CEPT1: variants seen among roughly 807,000 people sequenced by gnomAD.
CEPT1 encodes choline/ethanolamine phosphotransferase 1.
Under a neutral mutation model 42.6 loss-of-function variants are expected in CEPT1, and 7 were observed. That is an observed-to-expected ratio of 0.16 (90% CI 0.09 to 0.31). CEPT1 has a LOEUF of 0.31. Among genes scored for constraint, CEPT1 ranks in the 10% least tolerant of loss-of-function variants. The probability of loss-of-function intolerance (pLI) is 1.00; values close to 1 mark genes in which losing one functional copy is unlikely to be tolerated. For missense variants in CEPT1, 306 were observed against 502.1 expected (o/e 0.61, Z 3.73); for synonymous variants, 171 against 171.9 (o/e 0.99, Z 0.04).
chr1:111,159,582 C>T (rs1035994213), intron 3 of CEPT1, 55 bp downstream of exon 3: 17 of 1,406,714 alleles, frequency 1.2e-5, no homozygotes, highest in Middle Eastern at 2.1e-4. Flanking sequence ...AACCAGTGTG[C>T]TAAGCAGTGT....
chr1:111,163,076 TAGGGTAAA>T (rs1433745877), intron 4 of CEPT1, among the ~76,000 whole-genome samples: 1 of 151,864 alleles, frequency 6.6e-6, no homozygotes, highest in Non-Finnish European at 1.5e-5. Context: ...AAAGGAGTTC[TAGGGTAAA>T]AGGCAGAGGC....
At chr1:111,163,605 C>CA (rs201584154) in intron 4 of CEPT1, among the ~76,000 whole-genome samples, 456 of 132,768 alleles carry the variant, frequency 3.4e-3, no homozygotes, top group Middle Eastern at 0.023. Flanking sequence ...GAACATGTCT[C>CA]AAAAAAAAAA....
At chr1:111,168,135 A>G (rs1482391416) in intron 4 of CEPT1, among the ~76,000 whole-genome samples, 2 of 152,050 alleles carry the variant, frequency 1.3e-5, no homozygotes, top group African/African-American at 4.8e-5. Context: ...CAGCCTTCCA[A>G]AGCACTGGAA....
chr1:111,160,170 CTGTT>C (rs1485118664), intron 3 of CEPT1: 1 of 152,116 alleles, frequency 6.6e-6, no homozygotes, highest in Non-Finnish European at 1.5e-5. Context: ...CTGAGTTACT[CTGTT>C]TGGATTATAA....
chr1:111,171,060 A>G (rs1656390165), intron 4 of CEPT1, among the ~76,000 whole-genome samples: 1 of 152,194 alleles, frequency 6.6e-6, no homozygotes, highest in South Asian at 2.1e-4. Flanking sequence ...AAAGACATTA[A>G]AAATTTGTGG....
chr1:111,175,351 G>GT (rs1483438460), intron 5 of CEPT1, among the ~76,000 whole-genome samples: 2 of 152,204 alleles, frequency 1.3e-5, no homozygotes, highest in African/African-American at 2.4e-5. Context: ...ATTTGAGATT[G>GT]TAAGTTAACT....
chr1:111,156,572 A>G (rs866262021), intron 2 of CEPT1, among the ~76,000 whole-genome samples: 4 of 151,514 alleles, frequency 2.6e-5, no homozygotes, highest in African/African-American at 7.3e-5. Flanking sequence ...ATGAGCGGGG[A>G]AAAAAAAATC....
At chr1:111,182,146 T>C in intron 5 of CEPT1, 41 bp from the exon 6 acceptor site, 1 of 1,464,186 alleles carries the variant, frequency 6.8e-7, no homozygotes, top group South Asian at 1.3e-5. Flanking sequence ...TTATTTTAGT[T>C]TGTATATGTT....
At chr1:111,141,091 T>A (rs1259321398) in intron 1 of CEPT1, among the ~76,000 whole-genome samples, 2 of 152,240 alleles carry the variant, frequency 1.3e-5, no homozygotes, top group Non-Finnish European at 1.5e-5. Context: ...ATCCATAGTA[T>A]GACAGTAGGC....
chr1:111,151,142 T>TTC (rs1655251270), intron 2 of CEPT1, among the ~76,000 whole-genome samples: 1 of 151,388 alleles, frequency 6.6e-6, no homozygotes, highest in African/African-American at 2.4e-5. Context: ...TTTTTTTTTT[T>TTC]TGAGACGGAG....
chr1:111,182,947 A>G lies in CEPT1; in HGVS notation c.995A>G (p.Asn332Ser). ...TFGFVSAKIT[N>S]KLVVAHMTKS... ...GGTTTTGTGTCTGCTAAAATCACTAATAAGCTTGTGGTAAGCACCTGAGTT... is the reference window on the plus strand; with the variant it reads ...GGTTTTGTGTCTGCTAAAATCACTAGTAAGCTTGTGGTAAGCACCTGAGTT... The change falls in exon 7 of 9, where the codon AAT (asparagine) becomes AGT (serine). Residue 332 changes from asparagine to serine, a missense_variant. This residue lies in a region of CEPT1 where 253 missense variants were observed against 447.3 expected (regional missense o/e 0.57). Coordinates refer to ENST00000357172, the MANE Select transcript of CEPT1 (RefSeq NM_006090.5). The G allele has an allele frequency of 6.2e-7, 1 of 1,611,908 alleles. No homozygotes were observed. The highest frequency in any genetic ancestry group is 8.5e-7 in the Non-Finnish European group (1 of 1,179,126).
chr1:111,158,911 T>TCCAACCTGCAGGTAAAAATATG (rs1557929422), intron 2 of CEPT1, among the ~76,000 whole-genome samples: 5 of 119,758 alleles, frequency 4.2e-5, no homozygotes, highest in African/African-American at 1.1e-4. Context: ...TCTTTTTTTT[T>TCCAACCTGCAGGTAAAAATATG]TTTTTTTTTT....
intron 5 of CEPT1, chr1:111,180,233 A>C (rs1656903051): frequency 1.3e-5 from 2 of 152,152 alleles, no homozygotes; most frequent in Admixed American, 6.5e-5. Context: ...CTTCTTTTGG[A>C]ATCTGAGGGA....
At chr1:111,158,902 CTTTTTTTTTTT>C (rs149230078) in intron 2 of CEPT1, among the ~76,000 whole-genome samples, 5 of 55,436 alleles carry the variant, frequency 9.0e-5, no homozygotes, top group East Asian at 5.7e-4. Context: ...TTTTACAATT[CTTTTTTTTTTT>C]TTTTTTTTTT....
intron 1 of CEPT1, among the ~76,000 whole-genome samples, chr1:111,145,085 G>A (rs1457449812): frequency 1.3e-5 from 2 of 151,706 alleles, no homozygotes; most frequent in East Asian, 1.9e-4. Flanking sequence ...GTGCGATCTC[G>A]GCTCACTGCA....
intron 4 of CEPT1, chr1:111,167,863 T>C (rs1571143426): frequency 1.5e-6 from 1 of 674,814 alleles, no homozygotes; most frequent in Non-Finnish European, 1.8e-6. Context: ...ATTTCTCTAA[T>C]GTACTGCTAA....
At chr1:111,141,333 C>T (rs968364235) in intron 1 of CEPT1, among the ~76,000 whole-genome samples, 1 of 152,182 alleles carries the variant, frequency 6.6e-6, no homozygotes, top group Non-Finnish European at 1.5e-5. Flanking sequence ...ATTTAGTTTC[C>T]TCTTCGTTTT....
chr1:111,148,202 A>G, intron 2 of CEPT1, 149 bp downstream of exon 2: 1 of 649,662 alleles, frequency 1.5e-6, no homozygotes, highest in Non-Finnish European at 2.6e-6. Flanking sequence ...GCTTGTAAGT[A>G]CAGCCTACAC....
chr1:111,146,203 C>G (rs892983061), intron 1 of CEPT1, among the ~76,000 whole-genome samples: 6 of 149,474 alleles, frequency 4.0e-5, no homozygotes, highest in Non-Finnish European at 7.4e-5. Context: ...TTTCTACTTT[C>G]TAGTTTTTAA....
Sources: allele counts gnomAD v4.1 joint callset (sites outside exome capture counted in the v4.1 genomes callset), GRCh38; gene constraint gnomAD v4.1.1; regional missense constraint gnomAD v4.1.1; transcripts MANE v1.5; gene names NCBI Gene and HGNC (gene_info 2026-07-23, HGNC 2026-07-21).